Variants in STK11 observed in about 807,000 individuals in gnomAD.
The protein encoded by STK11 is serine/threonine-protein kinase STK11.
STK11 carries 8 observed loss-of-function variants against 47.3 expected under a neutral mutation model. The ratio of observed to expected loss-of-function variants is 0.17; its 90% CI spans 0.10 to 0.31. The LOEUF (loss-of-function observed/expected upper bound fraction) is 0.31. Ranked by LOEUF, STK11 falls within the 10% of genes least tolerant of loss-of-function variation. The probability of loss-of-function intolerance (pLI) is 1.00; values close to 1 mark genes in which losing one functional copy is unlikely to be tolerated. For missense variants in STK11, 475 were observed against 605.0 expected (o/e 0.79, Z 2.25); for synonymous variants, 330 against 255.8 (o/e 1.29, Z -2.77).
chr19:1,226,441 G>A lies in STK11; in HGVS notation c.1109-13G>A, dbSNP rs568152768. 1.5e-5 allele frequency: 24 copies of A among 1,608,490 alleles called. No homozygotes were observed. In the East Asian group the frequency reaches 3.6e-4, roughly 24 times the overall value. ...CCCCTCAGCTCAGGCCACACTTGCC[G>A]TCTCCCTCCCAGGACAGGTCCCAGA... is the stretch of plus-strand genomic sequence containing the variant. On this transcript the variant is annotated splice_polypyrimidine_tract_variant and intron_variant, in intron 8 of 9. Coordinates refer to ENST00000326873, the MANE Select transcript of STK11 (RefSeq NM_000455.5).
rs587780721 is a variant in STK11 at position 1,220,704 on chromosome 19, G to T, written c.721G>T (p.Ala241Ser). ...FSGFKVDIWS[A>S]GVTLYNITTG... ...CGGCTTCAAGGTGGACATCTGGTCG[G>T]CTGGGGTCACCCTGTAAGTGCCCCG... The change falls in exon 5 of 10, where the codon GCT (alanine) becomes TCT (serine). Residue 241 changes from alanine (A) to serine (S), a missense_variant. Ala to Ser is a moderately conservative substitution (Grantham distance 99). This residue lies in a region of STK11 where 130 missense variants were observed against 239.7 expected (regional missense o/e 0.54). Coordinates refer to ENST00000326873, the MANE Select transcript of STK11 (RefSeq NM_000455.5). 24 of 1,609,178 alleles carry T rather than the reference G, an allele frequency of 1.5e-5. No homozygotes were observed. In the Admixed American group the frequency reaches 3.8e-4, roughly 26 times the overall value.
chr19:1,225,565 G>T (rs1166541531), intron 8 of STK11: 1 of 985,498 alleles, frequency 1.0e-6, no homozygotes, highest in East Asian at 1.1e-4. Context: ...CACCGCGACC[G>T]GCCCAAGGTG....
intron 1 of STK11, among the ~76,000 whole-genome samples, chr19:1,209,711 C>T (rs2145409805): frequency 6.6e-6 from 1 of 152,136 alleles, no homozygotes; most frequent in African/African-American, 2.4e-5. Context: ...TGAGAGTGAG[C>T]CCCCTGCTTT....
intron 8 of STK11, chr19:1,224,351 G>A (rs750338812): frequency 8.1e-6 from 8 of 985,228 alleles, no homozygotes; most frequent in Non-Finnish European, 9.6e-6. Context: ...GTTGGAACGG[G>A]AGGTGCTGCT....
chr19:1,206,198 G>C lies in STK11; in HGVS notation c.-716G>C, dbSNP rs1433544055. 1 of 168,042 alleles carries C rather than the reference G, an allele frequency of 6.0e-6. No homozygotes were observed. Among genetic ancestry groups the C allele is most frequent in the Admixed American group, 6.5e-5 (1 of 15,488 alleles). 10.4% of individuals were successfully genotyped at this position (168,042 alleles called of 1,614,324 possible). On this transcript the variant is annotated 5_prime_UTR_variant, in exon 1 of 10. Transcript: ENST00000326873. ...CGCGGGCCGGCTCGGGGGGCGCCCA[G>C]TGCGGGCCCTCGCGGGCGCCGGGCA...
At chr19:1,218,124 C>T (rs2080756206) in intron 1 of STK11, among the ~76,000 whole-genome samples, 1 of 151,574 alleles carries the variant, frequency 6.6e-6, no homozygotes, top group African/African-American at 2.4e-5. Context: ...AGCCTAGGGA[C>T]AGAGCAAGAC....
intron 1 of STK11, among the ~76,000 whole-genome samples, chr19:1,207,518 G>A (rs1255176577): frequency 6.6e-6 from 1 of 152,214 alleles, no homozygotes; most frequent in Admixed American, 6.5e-5. Context: ...TAGCCCCTTG[G>A]CTCCCCCAGC....
In STK11 at chr19:1,222,975, G is replaced by A. The variant is rs183406870; in HGVS notation, c.921-10G>A. ...GCCTGACAGGCGCCACTGCTTCTGG[G>A]CGTTTGCAGCTGGTTCCGGAAGAAA... On this transcript the variant is annotated splice_polypyrimidine_tract_variant and intron_variant, in intron 7 of 9. Coordinates refer to ENST00000326873, the MANE Select transcript of STK11 (RefSeq NM_000455.5). 5.1e-5 allele frequency: 79 copies of A among 1,539,788 alleles called. No individual in the cohort carries two copies. In the East Asian group the frequency reaches 1.9e-3, roughly 37 times the overall value.
intron 8 of STK11, 74 bp downstream of exon 8, chr19:1,223,246 T>C (rs542342514): frequency 2.0e-5 from 30 of 1,512,262 alleles, no homozygotes; most frequent in East Asian, 1.2e-4. Flanking sequence ...GGTGCCTGCC[T>C]GTCTGCAACA....
At chr19:1,209,976 A>G (rs558291796) in intron 1 of STK11, among the ~76,000 whole-genome samples, 31 of 152,308 alleles carry the variant, frequency 2.0e-4, no homozygotes, top group African/African-American at 6.7e-4. Context: ...ACTAGTGTTC[A>G]GCGTCCAATT....
chr19:1,224,370 T>C, intron 8 of STK11: 32 of 985,160 alleles, frequency 3.2e-5, no homozygotes, highest in Non-Finnish European at 3.9e-5. Flanking sequence ...CTGGGTACCC[T>C]GGTCACTAGG....
At position 1,223,152 on chromosome 19, in the gene STK11, C is replaced by A. The variant is rs587778695; in HGVS notation, c.1088C>A (p.Thr363Asn). The A allele has an allele frequency of 1.9e-6, 3 of 1,611,668 alleles. No individual in the cohort carries two copies. The highest frequency in any genetic ancestry group is 2.5e-6 in the Non-Finnish European group (3 of 1,179,498). ...LFDIEDDIIY[T>N]QDFTVPGQVP... is the part of the protein sequence containing the mutation. ...GACATCGAGGATGACATCATCTACA[C>A]TCAGGACTTCACGGTGCCCGGTGAG... The change falls in exon 8 of 10, where the codon ACT becomes AAT. Residue 363 changes from threonine (T) to asparagine (N), a missense_variant. Thr to Asn is a moderately conservative substitution (Grantham distance 65). Around this residue, in one of 5 missense-constraint regions of STK11, gnomAD observed 219 missense variants for 189.2 expected, o/e 1.16. Coordinates refer to ENST00000326873, the MANE Select transcript of STK11 (RefSeq NM_000455.5).
Position 1,219,388 on chromosome 19 carries a change from C to T in STK11, c.439C>T (p.Arg147Cys), listed in dbSNP as rs748464757. Residue 147 changes from arginine to cysteine, a missense_variant, in exon 3 of 10, where the codon CGT becomes TGT. Around this residue, in one of 5 missense-constraint regions of STK11, gnomAD observed 130 missense variants for 239.7 expected, o/e 0.54. Transcript: ENST00000326873. ...AATGCTGGACAGCGTGCCGGAGAAG[C>T]GTTTCCCAGTGTGCCAGGCCCACGG... ...QEMLDSVPEKRFPVCQAHGYF... is the reference protein window; with the variant it reads ...QEMLDSVPEKCFPVCQAHGYF... The T allele has an allele frequency of 1.5e-5, 23 of 1,584,166 alleles. No individual in the cohort carries two copies. Among genetic ancestry groups the T allele is most frequent in the South Asian group, 9.1e-5 (8 of 87,808 alleles).
chr19:1,210,224 G>C (rs1293794354), intron 1 of STK11, among the ~76,000 whole-genome samples: 1 of 152,210 alleles, frequency 6.6e-6, no homozygotes, highest in Admixed American at 6.5e-5. Flanking sequence ...CAAGGAGAAG[G>C]GGTGTCCACT....
At chr19:1,222,646 G>A (rs2080793171) in intron 7 of STK11, among the ~76,000 whole-genome samples, 1 of 151,676 alleles carries the variant, frequency 6.6e-6, no homozygotes, top group Non-Finnish European at 1.5e-5. Flanking sequence ...GCTGCCCCCC[G>A]ATAGCCTCCT....
intron 8 of STK11, chr19:1,224,379 G>A: frequency 2.0e-6 from 2 of 985,324 alleles, no homozygotes; most frequent in Non-Finnish European, 2.4e-6. Flanking sequence ...CTGGTCACTA[G>A]GGTGTGCTGG....
Position 1,228,205 on chromosome 19 carries a change from C to G in STK11, c.*629C>G. On this transcript the variant is annotated 3_prime_UTR_variant, in exon 10 of 10. Transcript: ENST00000326873. ...CTCGGGTCACCCTGCTTTGGCGGCC[C>G]GGCCGGAGGGCAGGACCCTCACCTC... 1 of 962,612 alleles carries G rather than the reference C, an allele frequency of 1.0e-6. No individual in the cohort carries two copies. The highest frequency in any genetic ancestry group is 1.3e-6 in the Non-Finnish European group (1 of 785,370). 59.6% of individuals were successfully genotyped at this position (962,612 alleles called of 1,614,324 possible). A position where few individuals can be genotyped will look rare whatever the true frequency, so the allele number is the denominator to read the frequency against.
chr19:1,218,365 C>G (rs1228207275), intron 1 of STK11, 52 bp from the exon 2 acceptor site: 17 of 1,468,920 alleles, frequency 1.2e-5, no homozygotes, highest in East Asian at 4.5e-5. Flanking sequence ...GGGATCCAGG[C>G]CATCATCCTG....
At chr19:1,221,447 C>T in intron 6 of STK11, 107 bp downstream of exon 6, 1 of 1,443,772 alleles carries the variant, frequency 6.9e-7, no homozygotes, top group Non-Finnish European at 9.1e-7. Flanking sequence ...GAGACCCCAG[C>T]AGGCATTGAG....
Sources: gnomAD v4.1 joint callset for allele counts (sites outside exome capture counted in the v4.1 genomes callset) on GRCh38, gnomAD v4.1.1 for gene constraint, gnomAD v4.1.1 regional missense constraint, MANE v1.5 for transcripts, NCBI Gene and HGNC (gene_info 2026-07-23, HGNC 2026-07-21) for gene names.